NVL: variants seen among roughly 807,000 people sequenced by gnomAD.
NVL encodes the protein nuclear valosin-containing protein-like.
In NVL, 84 loss-of-function variants were observed where a neutral mutation model predicts 110.2. That is an observed-to-expected ratio of 0.76 (90% confidence interval 0.64 to 0.91). The LOEUF (loss-of-function observed/expected upper bound fraction) is 0.91. Among genes scored for constraint, NVL ranks in the 40% least tolerant of loss-of-function variants. The pLI is 0.00. For missense variants in NVL, 882 were observed against 1,035.9 expected (o/e 0.85, Z 2.04); for synonymous variants, 354 against 361.1 (o/e 0.98, Z 0.22).
intron 20 of NVL, among the ~76,000 whole-genome samples, chr1:224,234,996 T>TCTTA (rs1169321002): frequency 6.6e-6 from 1 of 151,886 alleles, no homozygotes; most frequent in Non-Finnish European, 1.5e-5. Flanking sequence ...AGAGATGGGG[T>TCTTA]CTTACTATGT....
At chr1:224,281,280 T>C in intron 15 of NVL, 95 bp from the exon 16 acceptor site, 1 of 772,242 alleles carries the variant, frequency 1.3e-6, no homozygotes, top group South Asian at 1.4e-5. Flanking sequence ...AAGGACTCTG[T>C]GTGCGTGTGT....
At position 224,267,723 on chromosome 1, in the gene NVL, T is replaced by C. The variant is rs570404733; in HGVS notation, c.2182+311A>G. ...AAAAAAAAAGTGTATGCTGCAACTG[T>C]TCTCAGCCAAAAAGAGCTTTCTAAG... On this transcript the variant is annotated intron_variant, in intron 18 of 22. Transcript: ENST00000281701. Among the ~76,000 whole-genome samples the C allele has an allele frequency of 3.5e-3, 536 of 151,430 alleles. 4 individuals are homozygous for C. The highest frequency in any genetic ancestry group is 0.012 in the African/African-American group (503 of 41,336).
At chr1:224,231,607 G>A (rs1313376703) in intron 21 of NVL, among the ~76,000 whole-genome samples, 1 of 152,090 alleles carries the variant, frequency 6.6e-6, no homozygotes, top group African/African-American at 2.4e-5. Flanking sequence ...TCAAATAAAT[G>A]TAACTGGAAT....
At chr1:224,296,335 C>T (rs1667881856) in intron 11 of NVL, among the ~76,000 whole-genome samples, 166 bp downstream of exon 11, 1 of 152,120 alleles carries the variant, frequency 6.6e-6, no homozygotes, top group Non-Finnish European at 1.5e-5. Context: ...CTACCTTAGC[C>T]TCCCAAAGTG....
chr1:224,303,716 G>C lies in NVL; in HGVS notation c.960+7C>G. 1 of 1,606,384 alleles carries C rather than the reference G, an allele frequency of 6.2e-7. No individual in the cohort carries two copies. Among genetic ancestry groups the C allele is most frequent in the Non-Finnish European group, 8.5e-7 (1 of 1,176,186 alleles). On this transcript the variant is annotated splice_region_variant and intron_variant, in intron 9 of 22. Coordinates refer to ENST00000281701, the MANE Select transcript of NVL (RefSeq NM_002533.4). ...AGCAAAAGCAAACAAATGTCAGCAAGCCTCACCCCAGCAATTGCATGTGCA... is the reference window on the plus strand; with the variant it reads ...AGCAAAAGCAAACAAATGTCAGCAACCCTCACCCCAGCAATTGCATGTGCA...
intron 1 of NVL, among the ~76,000 whole-genome samples, chr1:224,327,939 G>A (rs193076473): frequency 2.0e-5 from 3 of 151,908 alleles, no homozygotes; most frequent in East Asian, 3.9e-4. Context: ...GTGTGGCTGG[G>A]ACAGGAGAGG....
At chr1:224,317,538 C>T (rs1670210085) in intron 4 of NVL, among the ~76,000 whole-genome samples, 156 bp downstream of exon 4, 1 of 152,098 alleles carries the variant, frequency 6.6e-6, no homozygotes, top group South Asian at 2.1e-4. Context: ...AATTTGATCT[C>T]TTTGGGGAAT....
At chr1:224,318,982 C>A (rs988927344) in intron 2 of NVL, among the ~76,000 whole-genome samples, 2 of 145,084 alleles carry the variant, frequency 1.4e-5, no homozygotes, top group Admixed American at 1.4e-4. Flanking sequence ...AAGCGGGACT[C>A]CGTCTCAAAA....
chr1:224,255,630 G>A lies in NVL; in HGVS notation c.2183-5312C>T, dbSNP rs560274372. ...TCACTACACTGCCCAGGCTGGCCTC[G>A]AAGTGCTGAGCTCAAAGGATCCTCC... On this transcript the variant is annotated intron_variant, in intron 18 of 22. Transcript: ENST00000281701. Among the ~76,000 whole-genome samples, 19 of 152,216 alleles carry A rather than the reference G, an allele frequency of 1.2e-4. No individual in the cohort carries two copies. In the East Asian group the frequency reaches 2.7e-3, roughly 22 times the overall value.
At chr1:224,238,637 C>G (rs920314011) in intron 19 of NVL, among the ~76,000 whole-genome samples, 2 of 152,160 alleles carry the variant, frequency 1.3e-5, no homozygotes, top group Non-Finnish European at 2.9e-5. Flanking sequence ...CTTAGGCAAA[C>G]AATCTTGTGC....
At chr1:224,272,173 TA>T (rs547605639) in intron 17 of NVL, among the ~76,000 whole-genome samples, 8,560 of 134,834 alleles carry the variant, frequency 0.063, 264 homozygotes, top group East Asian at 0.1. Context: ...CTGTCTCTAC[TA>T]AAAAAAAAAA....
chr1:224,247,055 C>CA (rs57687356), intron 19 of NVL, among the ~76,000 whole-genome samples: 7,372 of 93,296 alleles, frequency 0.079, 482 homozygotes, highest in African/African-American at 0.23. Context: ...CATACTGTGT[C>CA]AAAAAAAAAA....
chr1:224,277,348 G>A (rs140831549), intron 16 of NVL, among the ~76,000 whole-genome samples: 2 of 152,250 alleles, frequency 1.3e-5, no homozygotes, highest in South Asian at 2.1e-4. Flanking sequence ...ATCGAATTCA[G>A]CAAAAACTAT....
In NVL at chr1:224,227,659, C is replaced by T. The variant is rs1419548017; in HGVS notation, c.2538G>A (p.Met846Ile). 6.2e-7 allele frequency: 1 copy of T among 1,611,240 alleles called. No individual in the cohort carries two copies. Among genetic ancestry groups the T allele is most frequent in the Admixed American group, 1.7e-5 (1 of 59,850 alleles). The change falls in exon 23 of 23, where the codon ATG (methionine) becomes ATA (isoleucine). Residue 846 changes from methionine (M) to isoleucine (I), a missense_variant. Met to Ile is a conservative substitution (Grantham distance 10). Coordinates refer to ENST00000281701, the MANE Select transcript of NVL (RefSeq NM_002533.4). ...TGAGGGACTCCTGCAAACGTTCATACATGATTTGATCCTGAAAGGAGGGAG... is the reference window on the plus strand; with the variant it reads ...TGAGGGACTCCTGCAAACGTTCATATATGATTTGATCCTGAAAGGAGGGAG... ...RSSISKKDQI[M>I]YERLQESLSR
chr1:224,287,792 G>T lies in NVL; in HGVS notation c.1777C>A (p.Leu593Ile). Residue 593 changes from leucine to isoleucine, a missense_variant, in exon 14 of 23, where the codon CTC becomes ATC. By Grantham distance (5) the Leu-to-Ile change is conservative (BLOSUM62 2). Coordinates refer to ENST00000281701, the MANE Select transcript of NVL (RefSeq NM_002533.4). ...ATACCTACCAATATTGCCATGGTGA[G>T]CTCCTCTCTAATGTCTTCCAGGGCA... ...IGALEDIREE[L>I]TMAILAPVRN... is the part of the protein sequence containing the mutation. 1 of 1,613,928 alleles carries T rather than the reference G, an allele frequency of 6.2e-7. No individual in the cohort carries two copies. Among genetic ancestry groups the T allele is most frequent in the East Asian group, 2.2e-5 (1 of 44,878 alleles).
At chr1:224,312,361 C>G (rs535087232) in intron 4 of NVL, among the ~76,000 whole-genome samples, 23 of 152,222 alleles carry the variant, frequency 1.5e-4, no homozygotes, top group Non-Finnish European at 2.8e-4. Flanking sequence ...CAAGACTGTT[C>G]ATGAGGGATG....
intron 13 of NVL, chr1:224,289,219 G>A: frequency 5.0e-6 from 2 of 396,212 alleles, no homozygotes; most frequent in South Asian, 3.8e-5. Context: ...AAAACACGTG[G>A]TGGGTGGGTA....
intron 11 of NVL, among the ~76,000 whole-genome samples, 154 bp downstream of exon 11, chr1:224,296,347 T>C (rs1667882717): frequency 6.6e-6 from 1 of 152,170 alleles, no homozygotes; most frequent in African/African-American, 2.4e-5. Flanking sequence ...CCCAAAGTGT[T>C]AGGATTACAG....
intron 17 of NVL, among the ~76,000 whole-genome samples, chr1:224,271,577 A>G (rs1665106468): frequency 6.6e-6 from 1 of 152,196 alleles, no homozygotes; most frequent in Non-Finnish European, 1.5e-5. Context: ...GATGCATACT[A>G]AATGACAACT....
Sources: allele counts gnomAD v4.1 joint callset (sites outside exome capture counted in the v4.1 genomes callset), GRCh38; gene constraint gnomAD v4.1.1; transcripts MANE v1.5; gene names NCBI Gene and HGNC (gene_info 2026-07-23, HGNC 2026-07-21).